The following SMAP1 variants were observed in gnomAD, a reference collection of about 807,000 sequenced individuals.
The protein encoded by SMAP1 is small ArfGAP 1, also known as stromal membrane-associated protein 1.
In SMAP1, 24 loss-of-function variants were observed where a neutral mutation model predicts 58.5. That is an observed-to-expected ratio of 0.41 (90% CI 0.30 to 0.58). The LOEUF (loss-of-function observed/expected upper bound fraction) is 0.58. Ranked by LOEUF, SMAP1 falls within the 20% of genes least tolerant of loss-of-function variation. The pLI is 0.29. For synonymous variants in SMAP1, 216 were observed against 196.6 expected, an observed-to-expected ratio of 1.10 and a Z score of -0.82; for missense variants, 563 against 566.3, an observed-to-expected ratio of 0.99 and a Z score of 0.06.
chr6:70,681,095 G>C (rs1303280744), intron 1 of SMAP1, among the ~76,000 whole-genome samples: 1 of 139,390 alleles, frequency 7.2e-6, no homozygotes, highest in Non-Finnish European at 1.6e-5. Flanking sequence ...GCTAAGGATC[G>C]GGATGAGGGA....
intron 3 of SMAP1, among the ~76,000 whole-genome samples, chr6:70,770,803 C>G (rs909645243): frequency 6.6e-6 from 1 of 152,182 alleles, no homozygotes; most frequent in Non-Finnish European, 1.5e-5. Flanking sequence ...GAGCTGCGTT[C>G]CTTTGGAGGA....
chr6:70,694,349 T>C (rs1463768119), intron 1 of SMAP1: 2 of 163,280 alleles, frequency 1.2e-5, no homozygotes, highest in Admixed American at 6.5e-5. Context: ...CTGGCCCTGG[T>C]GCTGATCTGT....
At chr6:70,670,762 A>T (rs1301458609) in intron 1 of SMAP1, among the ~76,000 whole-genome samples, 1 of 152,232 alleles carries the variant, frequency 6.6e-6, no homozygotes, top group East Asian at 1.9e-4. Flanking sequence ...CTTTGAGAAT[A>T]TGTACCAAAA....
At chr6:70,758,166 T>G (rs1391219152) in intron 3 of SMAP1, among the ~76,000 whole-genome samples, 2 of 150,876 alleles carry the variant, frequency 1.3e-5, no homozygotes, top group Non-Finnish European at 3.0e-5. Flanking sequence ...GTGGCACATA[T>G]ACACCATGGA....
chr6:70,839,451 A>G (rs1419214465), intron 7 of SMAP1, among the ~76,000 whole-genome samples: 1 of 152,160 alleles, frequency 6.6e-6, no homozygotes, highest in Non-Finnish European at 1.5e-5. Context: ...TACATCAACT[A>G]ACATTTATTT....
At chr6:70,808,413 T>C (rs1769229681) in intron 6 of SMAP1, among the ~76,000 whole-genome samples, 1 of 152,212 alleles carries the variant, frequency 6.6e-6, no homozygotes, top group Admixed American at 6.5e-5. Flanking sequence ...ATGTGTTCCA[T>C]GAAAACTTTA....
At chr6:70,848,698 G>T (rs1320665167) in intron 7 of SMAP1, among the ~76,000 whole-genome samples, 1 of 152,144 alleles carries the variant, frequency 6.6e-6, no homozygotes, top group Admixed American at 6.5e-5. Context: ...AAAACATCCA[G>T]GATGAATGTG....
At chr6:70,698,192 G>A (rs1420724972) in intron 1 of SMAP1, among the ~76,000 whole-genome samples, 1 of 152,134 alleles carries the variant, frequency 6.6e-6, no homozygotes, top group East Asian at 1.9e-4. Context: ...TAGGATAAAA[G>A]TTTTTTCCTT....
At chr6:70,771,940 A>C (rs1008997259) in intron 3 of SMAP1, among the ~76,000 whole-genome samples, 1 of 152,214 alleles carries the variant, frequency 6.6e-6, no homozygotes, top group Non-Finnish European at 1.5e-5. Context: ...ACTCCAGGTT[A>C]GGGTTGCTGG....
At chr6:70,690,545 AT>A (rs756817920) in intron 1 of SMAP1, among the ~76,000 whole-genome samples, 120 of 152,094 alleles carry the variant, frequency 7.9e-4, no homozygotes, top group Non-Finnish European at 1.3e-3. Context: ...ACCTCAGGTG[AT>A]TTGCCCGCCT....
chr6:70,690,776 C>T (rs1408317076), intron 1 of SMAP1, among the ~76,000 whole-genome samples: 2 of 150,608 alleles, frequency 1.3e-5, no homozygotes, highest in Non-Finnish European at 3.0e-5. Flanking sequence ...GGTTTTATTT[C>T]TTGTGATATC....
intron 10 of SMAP1, 35 bp downstream of exon 10, chr6:70,858,264 CA>C (rs764855935): frequency 1.7e-4 from 96 of 561,552 alleles, no homozygotes; most frequent in Non-Finnish European, 2.7e-4. Context: ...TCTCCCAAAT[CA>C]AACCAGATTT....
intron 5 of SMAP1, among the ~76,000 whole-genome samples, chr6:70,796,169 A>AT: frequency 6.6e-6 from 1 of 152,206 alleles, no homozygotes; most frequent in East Asian, 1.9e-4. Flanking sequence ...AATGGGGATA[A>AT]TATTACTAAC....
chr6:70,691,294 C>T (rs895145940), intron 1 of SMAP1, among the ~76,000 whole-genome samples: 2 of 151,920 alleles, frequency 1.3e-5, no homozygotes, highest in African/African-American at 4.8e-5. Flanking sequence ...TTTTCTACTT[C>T]ACTGATTTTT....
intron 2 of SMAP1, among the ~76,000 whole-genome samples, chr6:70,736,776 A>G (rs369464663): frequency 2.6e-5 from 4 of 152,070 alleles, no homozygotes; most frequent in East Asian, 3.9e-4. Flanking sequence ...GCTGCTTTCT[A>G]GTTTCATTTC....
At chr6:70,746,915 G>A (rs1223825663) in intron 2 of SMAP1, among the ~76,000 whole-genome samples, 1 of 152,182 alleles carries the variant, frequency 6.6e-6, no homozygotes, top group African/African-American at 2.4e-5. Flanking sequence ...TAAATAATAA[G>A]TTATTTGGAG....
At chr6:70,801,692 T>C (rs901746788) in intron 6 of SMAP1, among the ~76,000 whole-genome samples, 1 of 152,218 alleles carries the variant, frequency 6.6e-6, no homozygotes, top group African/African-American at 2.4e-5. Flanking sequence ...AATTTGCATA[T>C]GAAGTGTAAG....
chr6:70,794,290 G>A (rs1248141298), intron 5 of SMAP1, among the ~76,000 whole-genome samples: 2 of 152,122 alleles, frequency 1.3e-5, no homozygotes, highest in Non-Finnish European at 2.9e-5. Context: ...AGATCTTTTA[G>A]CAGCTTTTGA....
chr6:70,668,156 G>A lies in SMAP1; in HGVS notation c.118+15G>A. On this transcript the variant is annotated intron_variant, in intron 1 of 10. Coordinates refer to ENST00000370455, the MANE Select transcript of SMAP1 (RefSeq NM_001044305.3). ...CGAGGCCAAAGGTAGCTTGGACGTC[G>A]TCGCTGCCCACGGTCGGGGCCTCTT... 1 of 1,589,874 alleles carries A rather than the reference G, an allele frequency of 6.3e-7. No homozygotes were observed. The highest frequency in any genetic ancestry group is 1.4e-5 in the African/African-American group (1 of 71,964).
Sources: allele counts gnomAD v4.1 joint callset (sites outside exome capture counted in the v4.1 genomes callset), GRCh38; gene constraint gnomAD v4.1.1; transcripts MANE v1.5; gene names NCBI Gene and HGNC (gene_info 2026-07-23, HGNC 2026-07-21).